The following PHACTR2 variants were observed in gnomAD, a reference collection of about 807,000 sequenced individuals.
The protein encoded by PHACTR2 is phosphatase and actin regulator 2, also known as chromosome 6 open reading frame 56.
In PHACTR2, 30 loss-of-function variants were observed where a neutral mutation model predicts 76.0. The observed-to-expected ratio is 0.39, with a 90% CI of 0.30 to 0.54. The LOEUF (loss-of-function observed/expected upper bound fraction) is 0.54. Among genes scored for constraint, PHACTR2 ranks in the 20% least tolerant of loss-of-function variants. The pLI is 0.61. For missense variants in PHACTR2, 696 were observed against 781.1 expected, an observed-to-expected ratio of 0.89 and a Z score of 1.30; for synonymous variants, 292 against 292.5, an observed-to-expected ratio of 1.00 and a Z score of 0.02.
Position 143,678,255 on chromosome 6 carries a change from G to GTTA in PHACTR2, c.46+46_46+47insTTA, listed in dbSNP as rs1777295988. On this transcript the variant is annotated intron_variant, in intron 1 of 12. Transcript: ENST00000440869. This position sits in a 1 kb window ranked among gnomAD's most constrained non-coding sequence, Gnocchi z 6.2. ...ATGCGCTCCCGCCGCGCGGGCGCAG[G>GTTA]GCTGGCGGCGGGGCCCCGGGGCAGG... 2.8e-6 allele frequency: 4 copies of GTTA among 1,404,668 alleles called. No homozygotes were observed. The highest frequency in any genetic ancestry group is 3.7e-6 in the Non-Finnish European group (4 of 1,083,444). The allele number at this position is 1,404,668 out of a possible 1,614,324, so 87.0% of individuals were successfully genotyped here.
In PHACTR2 at chr6:143,782,643, T is replaced by C. The variant is rs936824086; in HGVS notation, c.1646-576T>C. Reference sequence around the variant, plus strand: ...ACCCAGAGTACATCATAACCTCATTTAGAACATTCTGGTTTGAAAGCAAAG... The same window carrying C: ...ACCCAGAGTACATCATAACCTCATTCAGAACATTCTGGTTTGAAAGCAAAG... On this transcript the variant is annotated intron_variant, in intron 9 of 12. Coordinates refer to ENST00000440869, the MANE Select transcript of PHACTR2 (RefSeq NM_001100164.2). The surrounding 1 kb of genome is among the most constrained non-coding windows in gnomAD (Gnocchi z 4.6). Among the ~76,000 whole-genome samples, 3 of 152,238 alleles carry C rather than the reference T, an allele frequency of 2.0e-5. No homozygotes were observed. Among genetic ancestry groups the C allele is most frequent in the Non-Finnish European group, 2.9e-5 (2 of 68,036 alleles).
rs73778681 is a variant in PHACTR2 at position 143,753,110 on chromosome 6, T to A, written c.296-644T>A. Among the ~76,000 whole-genome samples the A allele has an allele frequency of 8.0e-3, 1,223 of 152,076 alleles. 7 individuals are homozygous for A. Among genetic ancestry groups the A allele is most frequent in the African/African-American group, 0.027 (1,105 of 41,514 alleles). On this transcript the variant is annotated intron_variant, in intron 3 of 12. Coordinates refer to ENST00000440869, the MANE Select transcript of PHACTR2 (RefSeq NM_001100164.2). The surrounding 1 kb of genome is among the most constrained non-coding windows in gnomAD (Gnocchi z 4.6). ...ATTATTTTTAGGACAACTTAGGGAC[T>A]TTTTGGCTAGTTATATATAATAATT...
chr6:143,537,465 G>A lies in PHACTR2; in HGVS notation c.217+258G>A, dbSNP rs1781128716. Among the ~76,000 whole-genome samples, 1 of 152,186 alleles carries A rather than the reference G, an allele frequency of 6.6e-6. No individual in the cohort carries two copies. Among genetic ancestry groups the A allele is most frequent in the South Asian group, 2.1e-4 (1 of 4,834 alleles). On this transcript the variant is annotated intron_variant, in intron 1 of 11. Transcript: ENST00000367584. The surrounding 1 kb of genome is among the most constrained non-coding windows in gnomAD (Gnocchi z 4.4). ...GCCTTGCGGGGCGAGTGTGCAGCCT[G>A]GGTTGGGGTAGGGAGCGCTCCCTCT...
chr6:143,811,692 T>G lies in PHACTR2; in HGVS notation c.1922+4559T>G, dbSNP rs1279315187. ...TGTTACTGCTATTTTTCCATTAACT[T>G]ATGACATCATTCGAGATATATTCCA... On this transcript the variant is annotated intron_variant, in intron 12 of 12. Transcript: ENST00000440869. This position sits in a 1 kb window ranked among gnomAD's most constrained non-coding sequence, Gnocchi z 4.1. 1.3e-5 allele frequency among the ~76,000 whole-genome samples: 2 copies of G among 152,172 alleles called. No homozygotes were observed. Among genetic ancestry groups the G allele is most frequent in the Non-Finnish European group, 2.9e-5 (2 of 68,028 alleles).
chr6:143,805,170 C>CACT (rs1776036603), intron 11 of PHACTR2, among the ~76,000 whole-genome samples: 1 of 152,144 alleles, frequency 6.6e-6, no homozygotes, highest in Non-Finnish European at 1.5e-5. Flanking sequence ...GATTCTCTGC[C>CACT]ACTATTCAAA....
At position 143,570,888 on chromosome 6, in the gene PHACTR2, T is replaced by A. The variant is rs953064213; in HGVS notation, c.217+33681T>A. Among the ~76,000 whole-genome samples, 1 of 152,160 alleles carries A rather than the reference T, an allele frequency of 6.6e-6. No individual in the cohort carries two copies. Among genetic ancestry groups the A allele is most frequent in the African/African-American group, 2.4e-5 (1 of 41,434 alleles). On this transcript the variant is annotated intron_variant, in intron 1 of 11. Transcript: ENST00000367584. The surrounding 1 kb of genome is among the most constrained non-coding windows in gnomAD (Gnocchi z 4.6). ...TCAGGCTGAAGACAATTGCCCTGAT[T>A]CCCTAACCTAAGGGATGGCTCTGCA...
At chr6:143,563,862 G>A (rs1775319949) in intron 1 of PHACTR2, among the ~76,000 whole-genome samples, 1 of 151,650 alleles carries the variant, frequency 6.6e-6, no homozygotes, top group Admixed American at 6.6e-5. Context: ...AAATTAGCAG[G>A]GTGTGGTGGC....
Position 143,751,722 on chromosome 6 carries a change from G to A in PHACTR2, c.296-2032G>A, listed in dbSNP as rs1254731900. On this transcript the variant is annotated intron_variant, in intron 3 of 12. Transcript: ENST00000440869. This position sits in a 1 kb window ranked among gnomAD's most constrained non-coding sequence, Gnocchi z 5.7. ...GCTCTCGTGAGATGTGTTGACTTGG[G>A]CCGCTTATTGTCACCTGCCATCCAG... is the stretch of plus-strand genomic sequence containing the variant. Among the ~76,000 whole-genome samples the A allele has an allele frequency of 6.6e-6, 1 of 150,974 alleles. No individual in the cohort carries two copies. The highest frequency in any genetic ancestry group is 1.5e-5 in the Non-Finnish European group (1 of 67,844).
Position 143,648,860 on chromosome 6 carries a change from GTGTGTCTATGCATA to G in PHACTR2, c.13+40549_13+40562del, listed in dbSNP as rs1341787148. ...TGTGTGTCTGTGTATGTGTCCATGT[GTGTGTCTATGCATA>G]TGTGTCTATGTATGTTTGTGTGTGT... On this transcript the variant is annotated intron_variant, in intron 1 of 11. Transcript: ENST00000305766. The surrounding 1 kb of genome is among the most constrained non-coding windows in gnomAD (Gnocchi z 6.7). Among the ~76,000 whole-genome samples, 2 of 150,362 alleles carry G rather than the reference GTGTGTCTATGCATA, an allele frequency of 1.3e-5. No individual in the cohort carries two copies. Among genetic ancestry groups the G allele is most frequent in the Non-Finnish European group, 3.0e-5 (2 of 67,640 alleles).
At chr6:143,749,238 G>C (rs1404934372) in intron 3 of PHACTR2, among the ~76,000 whole-genome samples, 173 bp downstream of exon 3, 1 of 152,184 alleles carries the variant, frequency 6.6e-6, no homozygotes, top group African/African-American at 2.4e-5. Context: ...CAGAGAATCT[G>C]AAATATTATA....
chr6:143,710,022 A>T lies in PHACTR2; in HGVS notation c.47-1994A>T, dbSNP rs1778138301. On this transcript the variant is annotated intron_variant, in intron 1 of 12. Transcript: ENST00000440869. The surrounding 1 kb of genome is among the most constrained non-coding windows in gnomAD (Gnocchi z 4.9). Reference sequence around the variant, plus strand: ...GTAACTCCATTCAGCCTTTGCTGGCATGCATGGTCACAGGTTCTTCTATGG... The same window carrying T: ...GTAACTCCATTCAGCCTTTGCTGGCTTGCATGGTCACAGGTTCTTCTATGG... Among the ~76,000 whole-genome samples, 1 of 152,146 alleles carries T rather than the reference A, an allele frequency of 6.6e-6. No individual in the cohort carries two copies. The highest frequency in any genetic ancestry group is 1.9e-4 in the East Asian group (1 of 5,188).
At position 143,652,623 on chromosome 6, in the gene PHACTR2, C is replaced by T. The variant is rs1244006169; in HGVS notation, c.13+44301C>T. 3.3e-5 allele frequency among the ~76,000 whole-genome samples: 5 copies of T among 152,184 alleles called. No homozygotes were observed. The highest frequency in any genetic ancestry group is 2.1e-4 in the South Asian group (1 of 4,834). ...GATCTTATTAAAAAGCTCAGGGTTT[C>T]GGGAATCCGACTGTTCTGCAAATGC... On this transcript the variant is annotated intron_variant, in intron 1 of 11. Coordinates refer to the PHACTR2 transcript ENST00000305766. The surrounding 1 kb of genome is among the most constrained non-coding windows in gnomAD (Gnocchi z 4.5).
Position 143,730,396 on chromosome 6 carries a change from T to A in PHACTR2, c.214+18213T>A, listed in dbSNP as rs560851077. Among the ~76,000 whole-genome samples the A allele has an allele frequency of 6.6e-6, 1 of 152,264 alleles. No homozygotes were observed. The highest frequency in any genetic ancestry group is 2.4e-5 in the African/African-American group (1 of 41,556). The stretch of plus-strand genomic sequence containing the variant: ...AGAAAACAGTTAATAAGTTTATACT[T>A]CAGTATTTGTTTTCTTTATTTTTTA... On this transcript the variant is annotated intron_variant, in intron 2 of 12. Transcript: ENST00000440869. This position sits in a 1 kb window ranked among gnomAD's most constrained non-coding sequence, Gnocchi z 4.8.
rs552911925 is a variant in PHACTR2, at chr6:143,623,431, C to T, written c.13+15109C>T. 4.6e-5 allele frequency among the ~76,000 whole-genome samples: 7 copies of T among 152,108 alleles called. No individual in the cohort carries two copies. The highest frequency in any genetic ancestry group is 2.1e-4 in the South Asian group (1 of 4,824). ...CTCTACTAAATATACAAAAATTAGCCGGGCATGGTGGTGCATGCCTGTAGT... is the reference window on the plus strand; with the variant it reads ...CTCTACTAAATATACAAAAATTAGCTGGGCATGGTGGTGCATGCCTGTAGT... On this transcript the variant is annotated intron_variant, in intron 1 of 11. Transcript: ENST00000305766. The surrounding 1 kb of genome is among the most constrained non-coding windows in gnomAD (Gnocchi z 5.9).
At chr6:143,745,729 C>G (rs1194479069) in intron 2 of PHACTR2, among the ~76,000 whole-genome samples, 1 of 152,214 alleles carries the variant, frequency 6.6e-6, no homozygotes, top group Non-Finnish European at 1.5e-5. Context: ...GCAGTTTGTT[C>G]TCATTGGCCC....
At position 143,663,681 on chromosome 6, in the gene PHACTR2, C is replaced by T. The variant is rs996337788; in HGVS notation, c.14-48335C>T. On this transcript the variant is annotated intron_variant, in intron 1 of 11. Coordinates refer to the PHACTR2 transcript ENST00000305766. The surrounding 1 kb of genome is among the most constrained non-coding windows in gnomAD (Gnocchi z 4.1). ...GCTACAATTGGATTTTCTTGTGTTA[C>T]TTAGGAGTATGTTTCTTTCAGTTTC... is the stretch of plus-strand genomic sequence containing the variant. Among the ~76,000 whole-genome samples, 1 of 151,970 alleles carries T rather than the reference C, an allele frequency of 6.6e-6. No homozygotes were observed. Among genetic ancestry groups the T allele is most frequent in the African/African-American group, 2.4e-5 (1 of 41,398 alleles).
chr6:143,782,825 C>G lies in PHACTR2; in HGVS notation c.1646-394C>G, dbSNP rs1228973236. Among the ~76,000 whole-genome samples the G allele has an allele frequency of 6.6e-6, 1 of 152,040 alleles. No individual in the cohort carries two copies. The highest frequency in any genetic ancestry group is 1.5e-5 in the Non-Finnish European group (1 of 68,004). On this transcript the variant is annotated intron_variant, in intron 9 of 12. Transcript: ENST00000440869. This position sits in a 1 kb window ranked among gnomAD's most constrained non-coding sequence, Gnocchi z 4.6. ...TCAGATTTTCACACGAAGGCCAGAT[C>G]CAGAAGTAAATTTTTATCTGAATTC...
rs1283738421 is a variant in PHACTR2 at position 143,751,215 on chromosome 6, T to C, written c.295+2150T>C. On this transcript the variant is annotated intron_variant, in intron 3 of 12. Transcript: ENST00000440869. The surrounding 1 kb of genome is among the most constrained non-coding windows in gnomAD (Gnocchi z 5.7). ...GAGCCAGATAGACTTTAAAAATCCC[T>C]CTAGCTACCCTGAGTCTGACCCCAT... 6.6e-6 allele frequency among the ~76,000 whole-genome samples: 1 copy of C among 152,202 alleles called. No individual in the cohort carries two copies. Among genetic ancestry groups the C allele is most frequent in the Non-Finnish European group, 1.5e-5 (1 of 68,010 alleles).
At chr6:143,752,069 A>G (rs1454459143) in intron 3 of PHACTR2, among the ~76,000 whole-genome samples, 2 of 152,102 alleles carry the variant, frequency 1.3e-5, no homozygotes, top group African/African-American at 2.4e-5. Flanking sequence ...CTATCATAGG[A>G]TAAGACACTT....
Sources: allele counts gnomAD v4.1 joint callset (sites outside exome capture counted in the v4.1 genomes callset), GRCh38; gene constraint gnomAD v4.1.1; non-coding constraint Gnocchi (gnomAD v3.1); transcripts MANE v1.5; gene names NCBI Gene and HGNC (gene_info 2026-07-23, HGNC 2026-07-21).